The following ALPK1 variants were observed in gnomAD, a reference collection of about 807,000 sequenced individuals.
ALPK1 encodes alpha-protein kinase 1.
Under a neutral mutation model 120.6 loss-of-function variants are expected in ALPK1, and 110 were observed. That is an observed-to-expected ratio of 0.91 (90% CI 0.78 to 1.07). ALPK1 has a LOEUF of 1.07. ALPK1 is among the 50% of genes least tolerant of loss of function. ALPK1 has a pLI of 0.00. For synonymous variants in ALPK1, 582 were observed against 560.3 expected, an observed-to-expected ratio of 1.04 and a Z score of -0.55; for missense variants, 1,498 against 1,483.9, an observed-to-expected ratio of 1.01 and a Z score of -0.16.
intron 2 of ALPK1, chr4:112,359,445 G>A (rs752248852): frequency 3.4e-5 from 10 of 291,134 alleles, no homozygotes; most frequent in African/African-American, 8.8e-5. Flanking sequence ...CAGCATGTTC[G>A]TGCATCCATA....
chr4:112,308,439 A>G (rs6848432), intron 1 of ALPK1, among the ~76,000 whole-genome samples: 57,494 of 151,800 alleles, frequency 0.38, 13,265 homozygotes, highest in African/African-American at 0.65. Context: ...TGGAGGCTTT[A>G]TTCATTTCTT....
intron 5 of ALPK1, among the ~76,000 whole-genome samples, chr4:112,420,859 G>A (rs1733962088): frequency 1.3e-5 from 2 of 152,266 alleles, no homozygotes; most frequent in African/African-American, 4.8e-5. Flanking sequence ...GAGAGAGAGA[G>A]AGAGACTCTG....
At chr4:112,390,460 T>C (rs1714237671) in intron 4 of ALPK1, among the ~76,000 whole-genome samples, 1 of 152,212 alleles carries the variant, frequency 6.6e-6, no homozygotes, top group South Asian at 2.1e-4. Context: ...TACATTTGTT[T>C]ACATTTGTTT....
At chr4:112,415,371 C>A (rs1255487486) in intron 5 of ALPK1, among the ~76,000 whole-genome samples, 1 of 152,210 alleles carries the variant, frequency 6.6e-6, no homozygotes, top group Non-Finnish European at 1.5e-5. Context: ...GGCAGCGGCT[C>A]ACGCCTGTAA....
intron 2 of ALPK1, among the ~76,000 whole-genome samples, chr4:112,349,551 G>T (rs1041118851): frequency 5.9e-4 from 61 of 103,704 alleles, no homozygotes; most frequent in East Asian, 1.4e-3. Context: ...CCCAACCCCT[G>T]CCCCCCCCCG....
intron 4 of ALPK1, among the ~76,000 whole-genome samples, chr4:112,388,025 G>A (rs1328828867): frequency 2.0e-5 from 3 of 152,122 alleles, no homozygotes; most frequent in African/African-American, 7.2e-5. Flanking sequence ...GAGAACATGC[G>A]GTATTTGGTT....
At chr4:112,368,742 C>A (rs1486481055) in intron 2 of ALPK1, among the ~76,000 whole-genome samples, 2 of 152,146 alleles carry the variant, frequency 1.3e-5, no homozygotes, top group Non-Finnish European at 2.9e-5. Flanking sequence ...CATCAAGCAG[C>A]ATGTTTTGCC....
chr4:112,441,576 A>G lies in ALPK1; in HGVS notation c.*366A>G, dbSNP rs191258561. ...TCCTATTGATTTGGGAGTTCTTTACATATTAAAAAAATGTGAGCCTTTGTG... is the reference window on the plus strand; with the variant it reads ...TCCTATTGATTTGGGAGTTCTTTACGTATTAAAAAAATGTGAGCCTTTGTG... On this transcript the variant is annotated 3_prime_UTR_variant, in exon 16 of 16. Transcript: ENST00000650871. 54 of 205,730 alleles carry G rather than the reference A, an allele frequency of 2.6e-4. No homozygotes were observed. Among genetic ancestry groups the G allele is most frequent in the African/African-American group, 1.1e-3 (48 of 43,550 alleles). The allele number at this position is 205,730 out of a possible 1,614,324, so 12.7% of individuals were successfully genotyped here.
In ALPK1 at chr4:112,370,725, C is replaced by T. The variant is rs146639077; in HGVS notation, c.-100-6953C>T. On this transcript the variant is annotated intron_variant, in intron 2 of 15. Transcript: ENST00000650871. Reference sequence around the variant, plus strand: ...GTTTCTCATGTTACAGTATTTTCTTCCTATTGTCTCCTCTGAATTCTACAG... The same window carrying T: ...GTTTCTCATGTTACAGTATTTTCTTTCTATTGTCTCCTCTGAATTCTACAG... 6.2e-4 allele frequency among the ~76,000 whole-genome samples: 95 copies of T among 152,276 alleles called. 1 individual carries two copies. Among genetic ancestry groups the T allele is most frequent in the African/African-American group, 2.3e-3 (94 of 41,562 alleles).
chr4:112,355,979 G>C (rs1172387519), intron 2 of ALPK1, among the ~76,000 whole-genome samples: 1 of 152,256 alleles, frequency 6.6e-6, no homozygotes, highest in Non-Finnish European at 1.5e-5. Flanking sequence ...GTGCCATAGG[G>C]ATTCTAGAAG....
rs180917755 is a variant in ALPK1, at chr4:112,429,636, C to G, written c.900+383C>G. On this transcript the variant is annotated intron_variant, in intron 10 of 15. Coordinates refer to ENST00000650871, the MANE Select transcript of ALPK1 (RefSeq NM_025144.4). ...ATGGCTTGAGCCCAAAATTTCAAGA[C>G]TAGCCTGAGCAACATGGTGAGACTT... 5.7e-4 allele frequency among the ~76,000 whole-genome samples: 86 copies of G among 152,200 alleles called. 1 individual carries two copies. The highest frequency in any genetic ancestry group is 1.0e-4 in the Non-Finnish European group (7 of 68,010).
intron 5 of ALPK1, among the ~76,000 whole-genome samples, chr4:112,416,916 A>G (rs1411104282): frequency 6.6e-6 from 1 of 151,780 alleles, no homozygotes; most frequent in Admixed American, 6.6e-5. Flanking sequence ...ATTCAAGACC[A>G]TACCTAGTGT....
At chr4:112,333,934 GTT>G (rs139191739) in intron 2 of ALPK1, among the ~76,000 whole-genome samples, 3 of 148,660 alleles carry the variant, frequency 2.0e-5, no homozygotes, top group Admixed American at 6.7e-5. Context: ...TGTTTTTTGT[GTT>G]TTTTTTTGGT....
chr4:112,333,023 A>C (rs1729453450), intron 2 of ALPK1, among the ~76,000 whole-genome samples: 1 of 152,200 alleles, frequency 6.6e-6, no homozygotes, highest in Non-Finnish European at 1.5e-5. Flanking sequence ...GAACCAACTC[A>C]GTTCTGGGAA....
In ALPK1 at chr4:112,342,674, A is replaced by G. The variant is rs1304787727; in HGVS notation, c.-101+26822A>G. ...AGTTTAGAGGTCTAGGACTCTATCCATGGACCTTCAATCCACAGTAAATTC... is the reference window on the plus strand; with the variant it reads ...AGTTTAGAGGTCTAGGACTCTATCCGTGGACCTTCAATCCACAGTAAATTC... On this transcript the variant is annotated intron_variant, in intron 2 of 15. Coordinates refer to ENST00000650871, the MANE Select transcript of ALPK1 (RefSeq NM_025144.4). Among the ~76,000 whole-genome samples, 3 of 152,222 alleles carry G rather than the reference A, an allele frequency of 2.0e-5. No homozygotes were observed. The East Asian group carries it at 5.8e-4, about 29-fold the overall frequency.
intron 2 of ALPK1, among the ~76,000 whole-genome samples, chr4:112,347,523 A>G (rs75182002): frequency 1.5e-3 from 231 of 152,320 alleles, no homozygotes; most frequent in African/African-American, 5.1e-3. Context: ...GAATTCTCCA[A>G]CTTTCCTAAA....
At chr4:112,324,171 C>CA (rs1728995356) in intron 2 of ALPK1, among the ~76,000 whole-genome samples, 2 of 151,918 alleles carry the variant, frequency 1.3e-5, no homozygotes, top group Non-Finnish European at 1.5e-5. Context: ...ACTAAAAATA[C>CA]AAAAAATTAG....
rs114998869 is a variant in ALPK1 at position 112,363,198 on chromosome 4, A to T, written c.-100-14480A>T. Among the ~76,000 whole-genome samples the T allele has an allele frequency of 5.0e-3, 767 of 152,352 alleles. 5 individuals are homozygous for T. The highest frequency in any genetic ancestry group is 0.016 in the African/African-American group (669 of 41,582). On this transcript the variant is annotated intron_variant, in intron 2 of 15. Coordinates refer to ENST00000650871, the MANE Select transcript of ALPK1 (RefSeq NM_025144.4). ...ATAATGGAAAAACACCAAGGTATTC[A>T]GGTAACAAATAGCATGATGAATAGA...
In ALPK1 at chr4:112,431,008, A is replaced by C. The variant is rs781014155; in HGVS notation, c.1461A>C (p.Gly487=). The change falls in exon 11 of 16, where the codon GGA becomes GGC. Residue 487 remains glycine (G), a synonymous_variant. Transcript: ENST00000650871. The part of the protein sequence containing the change: ...NKNEQKDAKT[G]VCITALKTEI... ...ATGAACAGAAAGATGCAAAAACAGGAGTCTGCATCACTGCTCTAAAAACAG... is the reference window on the plus strand; with the variant it reads ...ATGAACAGAAAGATGCAAAAACAGGCGTCTGCATCACTGCTCTAAAAACAG... 6 of 1,613,406 alleles carry C rather than the reference A, an allele frequency of 3.7e-6. No individual in the cohort carries two copies.
Sources: allele counts gnomAD v4.1 joint callset (sites outside exome capture counted in the v4.1 genomes callset), GRCh38; gene constraint gnomAD v4.1.1; transcripts MANE v1.5; gene names NCBI Gene and HGNC (gene_info 2026-07-23, HGNC 2026-07-21).